EMILIN2: variants seen among roughly 807,000 people sequenced by gnomAD.
EMILIN2 encodes EMILIN-2.
EMILIN2 carries 71 observed loss-of-function variants against 87.1 expected under a neutral mutation model. That is an observed-to-expected ratio of 0.82 (90% CI 0.67 to 0.99). EMILIN2 has a LOEUF of 0.99. EMILIN2 is among the 50% of genes least tolerant of loss of function. EMILIN2 has a pLI of 0.00. For missense variants in EMILIN2, 1,407 were observed against 1,371.8 expected (o/e 1.03, Z -0.40); for synonymous variants, 581 against 563.4 (o/e 1.03, Z -0.44).
intron 2 of EMILIN2, among the ~76,000 whole-genome samples, chr18:2,851,090 GAAA>G (rs113621895): frequency 2.3e-5 from 3 of 130,450 alleles, no homozygotes; most frequent in Admixed American, 7.8e-5. Flanking sequence ...GGCTCTGATG[GAAA>G]AAAAAAAAAA....
Position 2,847,444 on chromosome 18 carries a change from G to A in EMILIN2, c.134+122G>A. On this transcript the variant is annotated intron_variant, in intron 1 of 7. Transcript: ENST00000254528. This position sits in a 1 kb window ranked among gnomAD's most constrained non-coding sequence, Gnocchi z 4.5. Reference sequence around the variant, plus strand: ...CCGGGGGCCTCCCTTGGACTTCCCCGGGCGGCTCCCTCTGCGGGGGACCGC... The same window carrying A: ...CCGGGGGCCTCCCTTGGACTTCCCCAGGCGGCTCCCTCTGCGGGGGACCGC... 2 of 1,126,750 alleles carry A rather than the reference G, an allele frequency of 1.8e-6. No homozygotes were observed. Among genetic ancestry groups the A allele is most frequent in the Non-Finnish European group, 1.1e-6 (1 of 888,822 alleles). 69.8% of individuals were successfully genotyped at this position (1,126,750 alleles called of 1,614,324 possible). A position where few individuals can be genotyped will look rare whatever the true frequency, so the allele number is the denominator to read the frequency against.
chr18:2,864,754 A>T (rs549861279), intron 2 of EMILIN2, among the ~76,000 whole-genome samples: 147 of 151,970 alleles, frequency 9.7e-4, no homozygotes, highest in Admixed American at 2.5e-3. Context: ...CTGAATTTGA[A>T]TGTTGGCCTG....
chr18:2,898,842 A>G (rs1287638867), intron 4 of EMILIN2, among the ~76,000 whole-genome samples: 1 of 152,218 alleles, frequency 6.6e-6, no homozygotes, highest in African/African-American at 2.4e-5. Context: ...GGCCCAAGGT[A>G]GCATGATGGA....
chr18:2,886,075 G>A (rs1299335108), intron 3 of EMILIN2, among the ~76,000 whole-genome samples: 2 of 152,170 alleles, frequency 1.3e-5, no homozygotes, highest in African/African-American at 2.4e-5. Context: ...TTGACATTTT[G>A]TTATAGAACC....
intron 4 of EMILIN2, among the ~76,000 whole-genome samples, chr18:2,898,766 T>C (rs2076874845): frequency 6.6e-6 from 1 of 152,250 alleles, no homozygotes; most frequent in Non-Finnish European, 1.5e-5. Context: ...GCCAGGGCAC[T>C]GCCTGATGCC....
rs1022414075 is a variant in EMILIN2, at chr18:2,852,359, G to A, written c.257+4428G>A. Among the ~76,000 whole-genome samples, 6 of 152,274 alleles carry A rather than the reference G, an allele frequency of 3.9e-5. No homozygotes were observed. The South Asian group carries it at 8.3e-4, about 21-fold the overall frequency. On this transcript the variant is annotated intron_variant, in intron 2 of 7. Transcript: ENST00000254528. Reference sequence around the variant, plus strand: ...ACATACTGCATGGACCAGTGAGCTCGACCGCTTCAGGACTTCCACATGTAT... The same window carrying A: ...ACATACTGCATGGACCAGTGAGCTCAACCGCTTCAGGACTTCCACATGTAT...
chr18:2,898,282 C>G (rs1031679302), intron 4 of EMILIN2, among the ~76,000 whole-genome samples: 6 of 152,256 alleles, frequency 3.9e-5, no homozygotes, highest in African/African-American at 1.4e-4. Context: ...GAGGCTGACT[C>G]CCTGCCTGGG....
At chr18:2,856,046 GATA>G (rs1490429665) in intron 2 of EMILIN2, among the ~76,000 whole-genome samples, 5 of 152,122 alleles carry the variant, frequency 3.3e-5, no homozygotes, top group African/African-American at 4.8e-5. Flanking sequence ...AGTGAATTAA[GATA>G]ATAATGATGC....
Position 2,892,049 on chromosome 18 carries a change from G to T in EMILIN2, c.1922G>T (p.Gly641Val). 6.2e-7 allele frequency: 1 copy of T among 1,614,210 alleles called. No individual in the cohort carries two copies. Among genetic ancestry groups the T allele is most frequent in the Non-Finnish European group, 8.5e-7 (1 of 1,180,048 alleles). ...NCRAGENAGMGRFTKVGEQER... is the reference protein window; with the variant it reads ...NCRAGENAGMVRFTKVGEQER... ...AGAGCAGGTGAAAACGCTGGCATGGGTAGGTTCACTAAGGTGGGTGAGCAA... is the reference window on the plus strand; with the variant it reads ...AGAGCAGGTGAAAACGCTGGCATGGTTAGGTTCACTAAGGTGGGTGAGCAA... The change falls in exon 4 of 8, where the codon GGT (glycine) becomes GTT (valine). Residue 641 changes from glycine (G) to valine (V), a missense_variant. Physicochemically the swap from Gly to Val is moderately radical, Grantham distance 109 (BLOSUM62 -3). Coordinates refer to ENST00000254528, the MANE Select transcript of EMILIN2 (RefSeq NM_032048.3).
chr18:2,900,687 C>T (rs992905899), intron 4 of EMILIN2, among the ~76,000 whole-genome samples: 1 of 152,026 alleles, frequency 6.6e-6, no homozygotes, highest in South Asian at 2.1e-4. Context: ...CCATTTAGCA[C>T]CACAAGCGAC....
rs540073434 is a variant in EMILIN2 at position 2,909,611 on chromosome 18, G to A, written c.2696-80G>A. 48 of 1,552,048 alleles carry A rather than the reference G, an allele frequency of 3.1e-5. No individual in the cohort carries two copies. The Middle Eastern group carries it at 1.2e-3, about 39-fold the overall frequency. ...TGGGCCTGGCACCTGGGCCTGGCAC[G>A]TAGGCCTCAGTTTTCCAGGCCCTCC... On this transcript the variant is annotated intron_variant, in intron 6 of 7. Transcript: ENST00000254528.
chr18:2,890,056 G>T lies in EMILIN2; in HGVS notation c.434-505G>T, dbSNP rs943234003. On this transcript the variant is annotated intron_variant, in intron 3 of 7. Coordinates refer to ENST00000254528, the MANE Select transcript of EMILIN2 (RefSeq NM_032048.3). This position sits in a 1 kb window ranked among gnomAD's most constrained non-coding sequence, Gnocchi z 4.7. ...CTTTGAGGATAACATCAGAAAATAT[G>T]ATATCATATGATATCACCATCCAAC... is the stretch of plus-strand genomic sequence containing the variant. 5.3e-5 allele frequency among the ~76,000 whole-genome samples: 8 copies of T among 152,092 alleles called. No individual in the cohort carries two copies. The highest frequency in any genetic ancestry group is 1.7e-4 in the African/African-American group (7 of 41,426).
chr18:2,900,029 A>G (rs1210256839), intron 4 of EMILIN2, among the ~76,000 whole-genome samples: 1 of 152,140 alleles, frequency 6.6e-6, no homozygotes, highest in African/African-American at 2.4e-5. Flanking sequence ...GCCCTATCCC[A>G]CGAGTTTCAC....
In EMILIN2 at chr18:2,914,243, T is replaced by C. The variant is rs2076955814; in HGVS notation, c.*839T>C. ...CGCATCCAAGCTATACACTTGGGTT[T>C]TGTTTCTGGCTTGTGAAGACGGACC... is the stretch of plus-strand genomic sequence containing the variant. On this transcript the variant is annotated 3_prime_UTR_variant, in exon 8 of 8. Coordinates refer to ENST00000254528, the MANE Select transcript of EMILIN2 (RefSeq NM_032048.3). 6.6e-6 allele frequency: 1 copy of C among 152,264 alleles called. No individual in the cohort carries two copies. The highest frequency in any genetic ancestry group is 1.5e-5 in the Non-Finnish European group (1 of 68,040). The allele number at this position is 152,264 out of a possible 1,614,324, so 9.4% of individuals were successfully genotyped here. A position where few individuals can be genotyped will look rare whatever the true frequency, so the allele number is the denominator to read the frequency against.
intron 2 of EMILIN2, among the ~76,000 whole-genome samples, chr18:2,859,922 G>A (rs2076651962): frequency 6.6e-6 from 1 of 152,152 alleles, no homozygotes; most frequent in African/African-American, 2.4e-5. Context: ...CTGTTCCATT[G>A]GTCTATGTGC....
chr18:2,905,300 C>CG (rs397948248), intron 4 of EMILIN2, among the ~76,000 whole-genome samples: 24,434 of 43,944 alleles, frequency 0.56, 5,781 homozygotes, highest in Middle Eastern at 0.66. Context: ...GTGGGTGGGG[C>CG]GGGGGGGGGG....
chr18:2,890,968 G>A lies in EMILIN2; in HGVS notation c.841G>A (p.Glu281Lys). Residue 281 changes from glutamate (E) to lysine (K), a missense_variant, in exon 4 of 8, where the codon GAA becomes AAA. Physicochemically the swap from Glu to Lys is moderately conservative, Grantham distance 56 (BLOSUM62 1). Transcript: ENST00000254528. This position sits in a 1 kb window ranked among gnomAD's most constrained non-coding sequence, Gnocchi z 4.7. The stretch of plus-strand genomic sequence containing the variant: ...TCTAAAGAACAAAAGTGACAAGCTG[G>A]AAGAGCTGGATGGAAAAGTGAAGGG... ...DTLKNKSDKL[E>K]ELDGKVKGYE... is the part of the protein sequence containing the mutation. 6.2e-7 allele frequency: 1 copy of A among 1,614,208 alleles called. No homozygotes were observed. Among genetic ancestry groups the A allele is most frequent in the Non-Finnish European group, 8.5e-7 (1 of 1,180,054 alleles).
At chr18:2,874,453 CTT>C (rs1369024276) in intron 2 of EMILIN2, among the ~76,000 whole-genome samples, 2 of 152,084 alleles carry the variant, frequency 1.3e-5, no homozygotes, top group Non-Finnish European at 2.9e-5. Context: ...GGGAAAATAA[CTT>C]TGCATCAGTT....
intron 2 of EMILIN2, among the ~76,000 whole-genome samples, chr18:2,883,190 C>A (rs770922243): frequency 6.6e-6 from 1 of 151,262 alleles, no homozygotes; most frequent in Non-Finnish European, 1.5e-5. Context: ...GGATCCTATA[C>A]CCAGAGTGTA....
Sources: allele counts gnomAD v4.1 joint callset (sites outside exome capture counted in the v4.1 genomes callset), GRCh38; gene constraint gnomAD v4.1.1; non-coding constraint Gnocchi (gnomAD v3.1); transcripts MANE v1.5; gene names NCBI Gene and HGNC (gene_info 2026-07-23, HGNC 2026-07-21).